The following LUZP2 variants were observed in gnomAD, a reference collection of about 807,000 sequenced individuals.
LUZP2 encodes leucine zipper protein 2.
Under a neutral mutation model 51.6 loss-of-function variants are expected in LUZP2, and 52 were observed. The ratio of observed to expected loss-of-function variants is 1.01; its 90% confidence interval spans 0.81 to 1.27. The LOEUF is 1.27. Among genes scored for constraint, LUZP2 ranks in the 50% most tolerant of loss-of-function variants. The probability of loss-of-function intolerance (pLI) is 0.00; values close to 1 mark genes in which losing one functional copy is unlikely to be tolerated. For missense variants in LUZP2, 436 were observed against 395.4 expected, an observed-to-expected ratio of 1.10 and a Z score of -0.87; for synonymous variants, 154 against 137.3, an observed-to-expected ratio of 1.12 and a Z score of -0.85.
chr11:24,625,575 C>T (rs1854647681), intron 1 of LUZP2, among the ~76,000 whole-genome samples: 2 of 151,722 alleles, frequency 1.3e-5, no homozygotes. Flanking sequence ...AAATTTAGAA[C>T]ATATTTAATA....
intron 7 of LUZP2, among the ~76,000 whole-genome samples, chr11:24,929,254 G>T (rs1025103567): frequency 2.6e-5 from 4 of 151,762 alleles, no homozygotes; most frequent in African/African-American, 7.3e-5. Flanking sequence ...CTTTTCTTCT[G>T]CTGGGTTCAA....
At chr11:24,821,128 A>T (rs927249196) in intron 5 of LUZP2, among the ~76,000 whole-genome samples, 1 of 152,186 alleles carries the variant, frequency 6.6e-6, no homozygotes, top group Non-Finnish European at 1.5e-5. Flanking sequence ...GTAAAATTTA[A>T]AAAGCAAACA....
At chr11:24,856,236 C>A (rs1324871608) in intron 5 of LUZP2, among the ~76,000 whole-genome samples, 1 of 151,930 alleles carries the variant, frequency 6.6e-6, no homozygotes, top group Non-Finnish European at 1.5e-5. Flanking sequence ...TTACAAGGAA[C>A]TTAACAACAA....
chr11:25,007,950 G>A (rs1590828353), intron 9 of LUZP2, among the ~76,000 whole-genome samples: 1 of 152,160 alleles, frequency 6.6e-6, no homozygotes, highest in South Asian at 2.1e-4. Flanking sequence ...AACAGAAACA[G>A]TTCCTTTTGA....
chr11:24,960,609 T>G (rs901941105), intron 7 of LUZP2, among the ~76,000 whole-genome samples: 1 of 152,126 alleles, frequency 6.6e-6, no homozygotes, highest in African/African-American at 2.4e-5. Context: ...TTATCATTTT[T>G]TATTGTGTCT....
chr11:25,062,587 CAAAAAAAAAAA>C (rs1163708322), intron 10 of LUZP2, among the ~76,000 whole-genome samples: 2,166 of 43,114 alleles, frequency 0.05, 78 homozygotes, highest in African/African-American at 0.12. Flanking sequence ...AAGACCCTGT[CAAAAAAAAAAA>C]AAAAAAAAAA....
intron 1 of LUZP2, among the ~76,000 whole-genome samples, chr11:24,695,117 T>C (rs1335724015): frequency 1.3e-5 from 2 of 150,190 alleles, no homozygotes; most frequent in African/African-American, 4.9e-5. Context: ...AAGTTTTCTC[T>C]ATTTCAACAT....
At chr11:25,027,671 A>T (rs1857532329) in intron 9 of LUZP2, among the ~76,000 whole-genome samples, 4 of 152,154 alleles carry the variant, frequency 2.6e-5, no homozygotes, top group Admixed American at 2.0e-4. Flanking sequence ...GGAGGTCAAG[A>T]TCAGCCTGGC....
chr11:25,014,279 TG>T, intron 9 of LUZP2, among the ~76,000 whole-genome samples: 1 of 152,246 alleles, frequency 6.6e-6, no homozygotes, highest in Non-Finnish European at 1.5e-5. Flanking sequence ...ATGGGATGGC[TG>T]AGTCAAATGC....
chr11:25,023,109 C>CT lies in LUZP2; in HGVS notation c.766-26921dup, dbSNP rs1212303293. Among the ~76,000 whole-genome samples the CT allele has an allele frequency of 7.2e-5, 11 of 151,802 alleles. No individual in the cohort carries two copies. In the East Asian group the frequency reaches 9.7e-4, roughly 13 times the overall value. On this transcript the variant is annotated intron_variant, in intron 9 of 11. Coordinates refer to ENST00000336930, the MANE Select transcript of LUZP2 (RefSeq NM_001009909.4). ...ATCAGGGAAATTGGTCTGAAATTCT[C>CT]TTTTTTTTGTTGTGTCTCTGCCAGG...
At chr11:24,718,536 C>G (rs954279886) in intron 1 of LUZP2, among the ~76,000 whole-genome samples, 11 of 152,152 alleles carry the variant, frequency 7.2e-5, no homozygotes, top group African/African-American at 2.7e-4. Flanking sequence ...TGCATTATCG[C>G]ATTTTTGGAG....
At chr11:24,679,489 G>T (rs1164512280) in intron 1 of LUZP2, among the ~76,000 whole-genome samples, 1 of 152,036 alleles carries the variant, frequency 6.6e-6, no homozygotes, top group Non-Finnish European at 1.5e-5. Context: ...GGTACAAATT[G>T]TTGAATAAAA....
At position 24,732,187 on chromosome 11, in the gene LUZP2, A is replaced by T. The variant is rs1858738860; in HGVS notation, c.250A>T (p.Arg84Ter). 2 of 1,599,758 alleles carry T rather than the reference A, an allele frequency of 1.3e-6. No individual in the cohort carries two copies. The highest frequency in any genetic ancestry group is 1.3e-5 in the African/African-American group (1 of 74,120). ...ACTTCTGGAATTAGGACAGAAACAA[A>T]GGTAAGACTTTTCTTTTTTTCTTAG... ...QKLLELGQKQ[R>*]EEMKSLQEAL... The change falls in exon 3 of 12, where the codon AGA (arginine) becomes TGA (stop). Residue 84 changes from arginine to a stop codon, truncating the protein, a stop_gained and splice_region_variant. Transcript: ENST00000336930. LOFTEE classifies it high-confidence loss of function.
At chr11:24,979,225 A>G (rs1449302676) in intron 8 of LUZP2, among the ~76,000 whole-genome samples, 1 of 151,834 alleles carries the variant, frequency 6.6e-6, no homozygotes, top group Non-Finnish European at 1.5e-5. Context: ...CTTCTCTGTG[A>G]TAACAATTCC....
At chr11:24,516,626 T>C (rs868190432) in intron 1 of LUZP2, among the ~76,000 whole-genome samples, 2 of 152,300 alleles carry the variant, frequency 1.3e-5, no homozygotes, top group Middle Eastern at 3.4e-3. Flanking sequence ...TAAGACAATA[T>C]GACAGCATGA....
intron 5 of LUZP2, among the ~76,000 whole-genome samples, chr11:24,904,851 T>C (rs1200115955): frequency 2.6e-5 from 4 of 152,098 alleles, no homozygotes; most frequent in African/African-American, 9.7e-5. Context: ...GACTCAAATA[T>C]ATGCTGCTTA....
At chr11:24,649,976 G>GAGACAC (rs1554968028) in intron 1 of LUZP2, among the ~76,000 whole-genome samples, 162 of 146,998 alleles carry the variant, frequency 1.1e-3, no homozygotes, top group Middle Eastern at 7.0e-3. Flanking sequence ...TACACACAGA[G>GAGACAC]ACACACACAC....
At chr11:24,509,068 A>G (rs866722242) in intron 1 of LUZP2, among the ~76,000 whole-genome samples, 5 of 152,314 alleles carry the variant, frequency 3.3e-5, no homozygotes, top group South Asian at 4.1e-4. Flanking sequence ...AACTTGTGTC[A>G]TACACACGCG....
At chr11:24,656,478 G>T (rs1353046686) in intron 1 of LUZP2, among the ~76,000 whole-genome samples, 4 of 152,102 alleles carry the variant, frequency 2.6e-5, no homozygotes, top group African/African-American at 9.7e-5. Flanking sequence ...TGTCTTAAAA[G>T]AACACAAATT....
Sources: gnomAD v4.1 joint callset for allele counts (sites outside exome capture counted in the v4.1 genomes callset) on GRCh38, gnomAD v4.1.1 for gene constraint, MANE v1.5 for transcripts, NCBI Gene and HGNC (gene_info 2026-07-23, HGNC 2026-07-21) for gene names.